Variants in HDAC9 observed in about 807,000 individuals in gnomAD.
HDAC9 encodes MEF-2 interacting transcription repressor (MITR) protein.
In HDAC9, 41 loss-of-function variants were observed where a neutral mutation model predicts 139.4. The observed-to-expected ratio is 0.29, with a 90% confidence interval of 0.23 to 0.38. HDAC9 has a LOEUF of 0.38. Ranked by LOEUF, HDAC9 falls within the 10% of genes least tolerant of loss-of-function variation. The pLI is 1.00. For synonymous variants in HDAC9, 517 were observed against 476.2 expected (o/e 1.09, Z -1.12); for missense variants, 1,147 against 1,297.0 (o/e 0.88, Z 1.78).
intron 6 of HDAC9, among the ~76,000 whole-genome samples, chr7:18,600,558 A>G (rs1429188492): frequency 2.6e-5 from 4 of 152,200 alleles, no homozygotes; most frequent in Non-Finnish European, 5.9e-5. Flanking sequence ...TCTCCAAAGA[A>G]TTGCCTTAGC....
intron 1 of HDAC9, among the ~76,000 whole-genome samples, chr7:18,384,770 A>G (rs572796462): frequency 5.5e-4 from 79 of 142,882 alleles, no homozygotes; most frequent in Admixed American, 1.1e-3. Flanking sequence ...GAGAAAAAAG[A>G]AAAAAAAAAA....
intron 2 of HDAC9, among the ~76,000 whole-genome samples, chr7:18,270,932 T>G (rs1796315173): frequency 6.6e-6 from 1 of 152,192 alleles, no homozygotes; most frequent in Non-Finnish European, 1.5e-5. Context: ...TATTATTCGA[T>G]TCTGTGTAAC....
chr7:18,874,440 CA>C lies in HDAC9; in HGVS notation c.2685-37del, dbSNP rs759622878. The stretch of plus-strand genomic sequence containing the variant: ...CTGAACGATTTTTAAAGGTATTCAC[CA>C]GTCCCACGTGTGACCGGTTGCATTT... On this transcript the variant is annotated intron_variant, in intron 21 of 25. Coordinates refer to ENST00000686413, the MANE Select transcript of HDAC9 (RefSeq NM_178425.4). The C allele has an allele frequency of 2.0e-5, 26 of 1,321,584 alleles. 2 individuals carry two copies. The South Asian group carries it at 3.0e-4, about 15-fold the overall frequency. 81.9% of individuals were successfully genotyped at this position (1,321,584 alleles called of 1,614,324 possible).
rs539150563 is a variant in HDAC9, at chr7:18,920,743, T to G, written c.2804-15066T>G. The stretch of plus-strand genomic sequence containing the variant: ...TGTCAAAGGCCTTTTCTGCATCTAT[T>G]GAGATAATCATGTGGTTTTTGTCTT... On this transcript the variant is annotated intron_variant, in intron 22 of 25. Transcript: ENST00000686413. Among the ~76,000 whole-genome samples, 32 of 152,248 alleles carry G rather than the reference T, an allele frequency of 2.1e-4. No homozygotes were observed. In the South Asian group the frequency reaches 6.0e-3, roughly 29 times the overall value.
intron 2 of HDAC9, among the ~76,000 whole-genome samples, chr7:18,193,522 G>A (rs1190828698): frequency 6.6e-6 from 1 of 152,122 alleles, no homozygotes; most frequent in Non-Finnish European, 1.5e-5. Flanking sequence ...GAGATGTAGC[G>A]CCATGCTATA....
At chr7:18,402,457 G>A (rs1787636022) in intron 1 of HDAC9, among the ~76,000 whole-genome samples, 1 of 152,178 alleles carries the variant, frequency 6.6e-6, no homozygotes, top group African/African-American at 2.4e-5. Context: ...GGATAGAGAA[G>A]CCATTAACTT....
intron 24 of HDAC9, among the ~76,000 whole-genome samples, chr7:18,955,166 T>TCA (rs1483361008): frequency 3.3e-5 from 5 of 152,076 alleles, no homozygotes; most frequent in African/African-American, 1.2e-4. Context: ...AAATAAACCT[T>TCA]CAAATGCTGG....
chr7:18,726,928 A>T (rs991733306), intron 12 of HDAC9, among the ~76,000 whole-genome samples: 4 of 152,112 alleles, frequency 2.6e-5, no homozygotes, highest in African/African-American at 9.7e-5. Context: ...GTTGGGAAGG[A>T]TGAAGAATAA....
intron 2 of HDAC9, among the ~76,000 whole-genome samples, chr7:18,165,117 C>A (rs1202440854): frequency 6.6e-6 from 1 of 152,132 alleles, no homozygotes; most frequent in Non-Finnish European, 1.5e-5. Context: ...GATACTATTT[C>A]TAGTAATGTA....
At chr7:18,941,992 A>C (rs767497980) in intron 23 of HDAC9, among the ~76,000 whole-genome samples, 6 of 152,042 alleles carry the variant, frequency 3.9e-5, no homozygotes, top group Non-Finnish European at 7.4e-5. Context: ...TGTTAAGGAG[A>C]ATATGGGCCA....
At chr7:18,374,576 A>C (rs142646858) in intron 1 of HDAC9, among the ~76,000 whole-genome samples, 346 of 151,580 alleles carry the variant, frequency 2.3e-3, no homozygotes, top group African/African-American at 7.9e-3. Context: ...GCATTTGGCT[A>C]CAACATTAAA....
chr7:18,768,292 T>C lies in HDAC9; in HGVS notation c.2214+1137T>C, dbSNP rs146531879. On this transcript the variant is annotated intron_variant, in intron 16 of 25. Transcript: ENST00000686413. ...AGTATGGGGGTGATGTACACATCCT[T>C]GTCGAGGAGTTCCAAAAGAGCTTTC... Among the ~76,000 whole-genome samples the C allele has an allele frequency of 5.9e-3, 898 of 152,288 alleles. 1 individual carries two copies. Among genetic ancestry groups the C allele is most frequent in the South Asian group, 0.024 (114 of 4,826 alleles).
At chr7:18,470,864 T>A (rs1185751132) in intron 1 of HDAC9, among the ~76,000 whole-genome samples, 2 of 152,092 alleles carry the variant, frequency 1.3e-5, no homozygotes, top group Non-Finnish European at 2.9e-5. Context: ...CTTAACCAGT[T>A]GCATATATTA....
intron 12 of HDAC9, among the ~76,000 whole-genome samples, chr7:18,708,100 G>A (rs1784074533): frequency 6.6e-6 from 1 of 152,170 alleles, no homozygotes; most frequent in South Asian, 2.1e-4. Flanking sequence ...ACTGAAAAAT[G>A]AGGAAAAGAG....
chr7:18,663,922 T>A (rs1293465798), intron 11 of HDAC9, among the ~76,000 whole-genome samples: 1 of 152,164 alleles, frequency 6.6e-6, no homozygotes, highest in African/African-American at 2.4e-5. Flanking sequence ...TGTCCCTCTC[T>A]CTCTCTGAAT....
intron 1 of HDAC9, among the ~76,000 whole-genome samples, chr7:18,138,595 C>G (rs995003831): frequency 6.8e-6 from 1 of 147,320 alleles, no homozygotes; most frequent in Non-Finnish European, 1.5e-5. Context: ...TGGGTTTTGG[C>G]TCAAGTGGAT....
intron 2 of HDAC9, among the ~76,000 whole-genome samples, chr7:18,561,340 T>C (rs1419764720): frequency 1.3e-5 from 2 of 152,218 alleles, no homozygotes; most frequent in Non-Finnish European, 2.9e-5. Context: ...CCAGAGATTA[T>C]CTTCATTTCT....
intron 2 of HDAC9, among the ~76,000 whole-genome samples, chr7:18,251,470 C>T (rs772504843): frequency 7.9e-5 from 12 of 152,102 alleles, no homozygotes; most frequent in Non-Finnish European, 1.8e-4. Context: ...ACACATTTAG[C>T]TGTGTAACAA....
At chr7:18,930,683 C>T (rs1286806976) in intron 22 of HDAC9, among the ~76,000 whole-genome samples, 3 of 152,142 alleles carry the variant, frequency 2.0e-5, no homozygotes, top group African/African-American at 7.2e-5. Context: ...TAGAACTTTC[C>T]TTACATCACT....
Sources: gnomAD v4.1 joint callset for allele counts (sites outside exome capture counted in the v4.1 genomes callset) on GRCh38, gnomAD v4.1.1 for gene constraint, MANE v1.5 for transcripts, NCBI Gene and HGNC (gene_info 2026-07-23, HGNC 2026-07-21) for gene names.